ZNF420: variants seen among roughly 807,000 people sequenced by gnomAD.
The protein encoded by ZNF420 is ATM and p53-associated KZNF protein.
A neutral mutation model predicts 44.7 loss-of-function variants in ZNF420; 31 were observed. The ratio of observed to expected loss-of-function variants is 0.69; its 90% confidence interval spans 0.52 to 0.94. The LOEUF (loss-of-function observed/expected upper bound fraction) is 0.94, where lower values mean the gene tolerates loss of function less well. Ranked by LOEUF, ZNF420 falls within the 40% of genes least tolerant of loss-of-function variation. The pLI is 0.00. For synonymous variants in ZNF420, 245 were observed against 267.4 expected (o/e 0.92, Z 0.82); for missense variants, 681 against 827.9 (o/e 0.82, Z 2.18).
intron 1 of ZNF420, among the ~76,000 whole-genome samples, chr19:37,047,080 A>G (rs1967555254): frequency 6.6e-6 from 1 of 151,832 alleles, no homozygotes; most frequent in Non-Finnish European, 1.5e-5. Flanking sequence ...AATAGGAGCC[A>G]ATGTATGCTA....
chr19:37,086,596 A>G (rs781702811), intron 2 of ZNF420, among the ~76,000 whole-genome samples: 11 of 151,498 alleles, frequency 7.3e-5, no homozygotes, highest in Non-Finnish European at 1.5e-4. Context: ...ACAATTCCCA[A>G]CTCTGTGGGT....
At chr19:37,056,412 C>T (rs1285262387) in intron 1 of ZNF420, among the ~76,000 whole-genome samples, 1 of 152,164 alleles carries the variant, frequency 6.6e-6, no homozygotes, top group African/African-American at 2.4e-5. Flanking sequence ...CTCGGTGACA[C>T]ACACTCACCC....
chr19:37,104,904 T>TA (rs1362057817), intron 4 of ZNF420, among the ~76,000 whole-genome samples: 9 of 152,372 alleles, frequency 5.9e-5, no homozygotes, highest in African/African-American at 2.2e-4. Context: ...ATTAGCCCTT[T>TA]GTCAGATGGG....
intron 4 of ZNF420, among the ~76,000 whole-genome samples, chr19:37,103,076 T>C (rs913681393): frequency 6.6e-6 from 1 of 152,158 alleles, no homozygotes; most frequent in African/African-American, 2.4e-5. Flanking sequence ...TTCTCTTAAC[T>C]ATAGTATTTC....
At chr19:37,116,368 CA>C (rs57611154) in intron 4 of ZNF420, among the ~76,000 whole-genome samples, 1,181 of 75,874 alleles carry the variant, frequency 0.016, 9 homozygotes, top group East Asian at 0.084. Flanking sequence ...GACTCCACCT[CA>C]AAAAAAAAAA....
At chr19:37,111,087 G>A (rs1970364128) in intron 4 of ZNF420, among the ~76,000 whole-genome samples, 1 of 152,194 alleles carries the variant, frequency 6.6e-6, no homozygotes. Context: ...CAAGTATAAT[G>A]TAAAAGTCTT....
In ZNF420 at chr19:37,122,376, C is replaced by T. The variant is rs529934007; in HGVS notation, c.137-4752C>T. ...ACTATCTCAAGGACAGAAAACCAAA[C>T]ACCGCATGTTCTCACTCATAGGTGG... On this transcript the variant is annotated intron_variant, in intron 4 of 4. Coordinates refer to ENST00000337995, the MANE Select transcript of ZNF420 (RefSeq NM_144689.5). 2.0e-5 allele frequency among the ~76,000 whole-genome samples: 3 copies of T among 151,618 alleles called. No individual in the cohort carries two copies. In the South Asian group the frequency reaches 6.3e-4, roughly 32 times the overall value.
chr19:37,104,846 TG>T (rs925124218), intron 4 of ZNF420, among the ~76,000 whole-genome samples: 26 of 152,366 alleles, frequency 1.7e-4, no homozygotes, highest in African/African-American at 6.0e-4. Context: ...GACTTTTTGA[TG>T]GGGTTGTTTT....
intron 1 of ZNF420, among the ~76,000 whole-genome samples, chr19:37,018,286 C>T (rs371598412): frequency 7.9e-5 from 12 of 152,102 alleles, no homozygotes; most frequent in East Asian, 3.9e-4. Flanking sequence ...TTTGTATAAA[C>T]GGAAAAATCT....
rs749365359 is a variant in ZNF420, at chr19:37,127,586, G to C, written c.595G>C (p.Glu199Gln). The C allele has an allele frequency of 6.2e-7, 1 of 1,614,034 alleles. No individual in the cohort carries two copies. Among genetic ancestry groups the C allele is most frequent in the South Asian group, 1.1e-5 (1 of 91,072 alleles). ...TGGTGAGAAACCCTATGCATGTAAG[G>C]AATGTGGGAAGGCCTTTACTCAAAG... ...HTGEKPYACK[E>Q]CGKAFTQSSQ... Residue 199 changes from glutamate to glutamine, a missense_variant, in exon 5 of 5, where the codon GAA becomes CAA. Transcript: ENST00000337995.
chr19:37,066,225 C>CT (rs924875053), intron 1 of ZNF420, among the ~76,000 whole-genome samples: 50 of 152,262 alleles, frequency 3.3e-4, no homozygotes, highest in African/African-American at 1.1e-3. Context: ...GGTGGATCAC[C>CT]TAAGGTCAGG....
chr19:37,069,225 C>T (rs1968017066), intron 1 of ZNF420, among the ~76,000 whole-genome samples: 1 of 152,080 alleles, frequency 6.6e-6, no homozygotes, highest in East Asian at 1.9e-4. Flanking sequence ...CGAAAACTTT[C>T]AAAGGACTAG....
intron 4 of ZNF420, among the ~76,000 whole-genome samples, chr19:37,114,148 C>G (rs1970529705): frequency 6.6e-6 from 1 of 152,108 alleles, no homozygotes; most frequent in Non-Finnish European, 1.5e-5. Flanking sequence ...CTCGGTATCT[C>G]CTTGTTTTCT....
chr19:37,021,956 A>C (rs866348696), intron 1 of ZNF420, among the ~76,000 whole-genome samples: 9 of 149,582 alleles, frequency 6.0e-5, no homozygotes, highest in Non-Finnish European at 1.0e-4. Context: ...AAAAAAAAAA[A>C]AAAAAAAGAA....
At chr19:37,012,071 A>T (rs913244207) in intron 1 of ZNF420, among the ~76,000 whole-genome samples, 1 of 152,108 alleles carries the variant, frequency 6.6e-6, no homozygotes, top group Non-Finnish European at 1.5e-5. Context: ...ACTTGGTGAG[A>T]TCCAAAATCT....
chr19:37,064,379 G>T (rs1208201329), intron 1 of ZNF420, among the ~76,000 whole-genome samples: 2 of 151,992 alleles, frequency 1.3e-5, no homozygotes, highest in Admixed American at 1.3e-4. Flanking sequence ...TGACCAGTTT[G>T]CTCCAGATTT....
intron 4 of ZNF420, among the ~76,000 whole-genome samples, chr19:37,103,175 G>T (rs1211670184): frequency 1.3e-5 from 2 of 151,856 alleles, no homozygotes; most frequent in Non-Finnish European, 2.9e-5. Context: ...AGTTTCTTTT[G>T]CTATTTGGCT....
chr19:37,122,576 C>T (rs1971113078), intron 4 of ZNF420, among the ~76,000 whole-genome samples: 1 of 152,076 alleles, frequency 6.6e-6, no homozygotes, highest in South Asian at 2.1e-4. Flanking sequence ...AACAAACCTG[C>T]ACATTGTGCA....
intron 2 of ZNF420, among the ~76,000 whole-genome samples, chr19:37,085,936 T>TTATTA (rs1555756437): frequency 4.4e-5 from 6 of 137,758 alleles, no homozygotes; most frequent in Non-Finnish European, 6.2e-5. Flanking sequence ...TGGCTGATGT[T>TTATTA]TTATTATTAT....
Sources: gnomAD v4.1 joint callset for allele counts (sites outside exome capture counted in the v4.1 genomes callset) on GRCh38, gnomAD v4.1.1 for gene constraint, MANE v1.5 for transcripts, NCBI Gene and HGNC (gene_info 2026-07-23, HGNC 2026-07-21) for gene names.